RPTOR: variants seen among roughly 807,000 people sequenced by gnomAD.
RPTOR encodes regulatory associated protein of MTOR complex 1.
Under a neutral mutation model 169.9 loss-of-function variants are expected in RPTOR, and 21 were observed. The observed-to-expected ratio is 0.12, with a 90% CI of 0.09 to 0.18. The LOEUF (loss-of-function observed/expected upper bound fraction) is 0.18, where lower values mean the gene tolerates loss of function less well. Ranked by LOEUF, RPTOR falls within the 10% of genes least tolerant of loss-of-function variation. RPTOR has a pLI of 1.00. For missense variants in RPTOR, 1,133 were observed against 1,855.9 expected (o/e 0.61, Z 7.16); for synonymous variants, 732 against 753.2 (o/e 0.97, Z 0.46).
At chr17:80,582,290 T>C (rs945945068) in intron 1 of RPTOR, among the ~76,000 whole-genome samples, 1 of 152,082 alleles carries the variant, frequency 6.6e-6, no homozygotes, top group African/African-American at 2.4e-5. Flanking sequence ...ACTCAGAACA[T>C]CAGTTTCCTG....
At chr17:80,743,328 G>A (rs1295123915) in intron 5 of RPTOR, 1 of 985,406 alleles carries the variant, frequency 1.0e-6, no homozygotes, top group Non-Finnish European at 1.2e-6. Context: ...GCTCTTGCAG[G>A]TTCCGCCGTG....
intron 25 of RPTOR, among the ~76,000 whole-genome samples, chr17:80,942,367 C>T (rs1178342581): frequency 2.0e-5 from 3 of 148,860 alleles, no homozygotes; most frequent in South Asian, 2.2e-4. Context: ...GAGCAGGGTG[C>T]GAAACAGAGC....
chr17:80,641,628 C>T (rs1236417611), intron 2 of RPTOR, among the ~76,000 whole-genome samples: 1 of 152,176 alleles, frequency 6.6e-6, no homozygotes, highest in African/African-American at 2.4e-5. Flanking sequence ...ATAAAAGTTA[C>T]GTTTACACTG....
intron 3 of RPTOR, among the ~76,000 whole-genome samples, chr17:80,697,487 A>G (rs539556495): frequency 3.8e-4 from 58 of 152,246 alleles, no homozygotes; most frequent in Non-Finnish European, 6.9e-4. Context: ...ACTACCTCCC[A>G]TCGGTATCAG....
chr17:80,945,153 G>C (rs1388171353), intron 25 of RPTOR, among the ~76,000 whole-genome samples: 2 of 151,940 alleles, frequency 1.3e-5, no homozygotes, highest in East Asian at 3.9e-4. Flanking sequence ...AAAGTAGCCA[G>C]GTGTGGCGGT....
At chr17:80,762,478 G>A (rs1381308158) in intron 6 of RPTOR, among the ~76,000 whole-genome samples, 1 of 152,210 alleles carries the variant, frequency 6.6e-6, no homozygotes, top group African/African-American at 2.4e-5. Context: ...GATAGGCATG[G>A]CCTGCTGTGC....
In RPTOR at chr17:80,823,357, AGCT is replaced by A; in HGVS notation, c.1136+135_1136+137del. 3 of 899,680 alleles carry A rather than the reference AGCT, an allele frequency of 3.3e-6. No individual in the cohort carries two copies. Among genetic ancestry groups the A allele is most frequent in the South Asian group, 4.0e-5 (1 of 25,190 alleles). 55.7% of individuals were successfully genotyped at this position (899,680 alleles called of 1,614,324 possible). ...GACCCCGTGTAGCATTAACAAGTGA[AGCT>A]AAATGCAGGGCTCCCAGAGATCTCC... On this transcript the variant is annotated intron_variant, in intron 9 of 33. Transcript: ENST00000306801. This position sits in a 1 kb window ranked among gnomAD's most constrained non-coding sequence, Gnocchi z 4.5.
At chr17:80,658,719 C>G (rs1598198197) in intron 3 of RPTOR, among the ~76,000 whole-genome samples, 1 of 134,498 alleles carries the variant, frequency 7.4e-6, no homozygotes, top group South Asian at 2.1e-4. Flanking sequence ...ATGTTCTGTT[C>G]CGAGTTTTTT....
chr17:80,916,968 C>T (rs955141129), intron 21 of RPTOR, among the ~76,000 whole-genome samples: 2 of 152,038 alleles, frequency 1.3e-5, no homozygotes, highest in Admixed American at 6.5e-5. Flanking sequence ...AGCCTGGCAA[C>T]AGAGCGAGAC....
intron 6 of RPTOR, among the ~76,000 whole-genome samples, chr17:80,764,820 C>A (rs963482540): frequency 6.6e-6 from 1 of 152,156 alleles, no homozygotes; most frequent in African/African-American, 2.4e-5. Flanking sequence ...CTCTCCAGCA[C>A]CTGTTGTTTC....
chr17:80,910,100 T>C (rs2068594357), intron 21 of RPTOR, among the ~76,000 whole-genome samples: 1 of 152,170 alleles, frequency 6.6e-6, no homozygotes, highest in Non-Finnish European at 1.5e-5. Context: ...CTGCAGACCT[T>C]GGAAGCTTTC....
intron 2 of RPTOR, among the ~76,000 whole-genome samples, chr17:80,641,684 A>G (rs1262173086): frequency 1.3e-5 from 2 of 152,212 alleles, no homozygotes; most frequent in Non-Finnish European, 2.9e-5. Context: ...CCAAAAGAAC[A>G]TACACACTTT....
intron 10 of RPTOR, among the ~76,000 whole-genome samples, chr17:80,841,447 C>G (rs1425481891): frequency 7.7e-6 from 1 of 129,896 alleles, no homozygotes; most frequent in African/African-American, 3.0e-5. Context: ...CACCACACGG[C>G]AGCTCACTCT....
chr17:80,635,999 G>A (rs2065503459), intron 2 of RPTOR, among the ~76,000 whole-genome samples: 1 of 152,126 alleles, frequency 6.6e-6, no homozygotes, highest in Admixed American at 6.5e-5. Flanking sequence ...CCGTTTAGAA[G>A]GCAGACCTCA....
chr17:80,815,700 C>T (rs537123580), intron 7 of RPTOR, among the ~76,000 whole-genome samples: 70 of 152,310 alleles, frequency 4.6e-4, no homozygotes, highest in Middle Eastern at 3.4e-3. Flanking sequence ...GGAACAATGG[C>T]GGGTAATAAA....
At chr17:80,619,756 C>T (rs990048028) in intron 1 of RPTOR, among the ~76,000 whole-genome samples, 1 of 152,112 alleles carries the variant, frequency 6.6e-6, no homozygotes, top group Non-Finnish European at 1.5e-5. Context: ...TGTGTTAACC[C>T]TCCTGGGTGT....
At chr17:80,553,605 A>G (rs924228287) in intron 1 of RPTOR, among the ~76,000 whole-genome samples, 1 of 152,244 alleles carries the variant, frequency 6.6e-6, no homozygotes, top group South Asian at 2.1e-4. Context: ...GAACAGCTGC[A>G]TAATTCAGTG....
chr17:80,697,720 G>T (rs1440010754), intron 3 of RPTOR, among the ~76,000 whole-genome samples: 1 of 152,220 alleles, frequency 6.6e-6, no homozygotes, highest in Non-Finnish European at 1.5e-5. Context: ...CTGAGCAGAG[G>T]GCTCGCAGGT....
At chr17:80,857,759 C>T in intron 12 of RPTOR, 31 bp from the exon 13 acceptor site, 1 of 1,537,104 alleles carries the variant, frequency 6.5e-7, no homozygotes, top group Non-Finnish European at 8.9e-7. Context: ...TGCTGCGGCA[C>T]AGGTGCGCTG....
Sources: allele counts gnomAD v4.1 joint callset (sites outside exome capture counted in the v4.1 genomes callset), GRCh38; gene constraint gnomAD v4.1.1; non-coding constraint Gnocchi (gnomAD v3.1); transcripts MANE v1.5; gene names NCBI Gene and HGNC (gene_info 2026-07-23, HGNC 2026-07-21).